Variants in ZCCHC7 observed in about 807,000 individuals in gnomAD.
ZCCHC7 encodes zinc finger CCHC-type containing 7.
In ZCCHC7, 35 loss-of-function variants were observed where a neutral mutation model predicts 52.0. That is an observed-to-expected ratio of 0.67 (90% confidence interval 0.51 to 0.89). The LOEUF (loss-of-function observed/expected upper bound fraction) is 0.89, where lower values mean the gene tolerates loss of function less well. Ranked by LOEUF, ZCCHC7 falls within the 40% of genes least tolerant of loss-of-function variation. The probability of loss-of-function intolerance (pLI) is 0.00; values close to 1 mark genes in which losing one functional copy is unlikely to be tolerated. For missense variants in ZCCHC7, 574 were observed against 649.1 expected (o/e 0.88, Z 1.26); for synonymous variants, 217 against 221.5 (o/e 0.98, Z 0.18).
At chr9:37,321,225 T>TG (rs1179953531) in intron 5 of ZCCHC7, among the ~76,000 whole-genome samples, 1 of 151,954 alleles carries the variant, frequency 6.6e-6, no homozygotes, top group African/African-American at 2.4e-5. Flanking sequence ...CCTGACCTCG[T>TG]GATCCACCCA....
At chr9:37,136,762 T>C (rs909389013) in intron 2 of ZCCHC7, among the ~76,000 whole-genome samples, 1 of 152,024 alleles carries the variant, frequency 6.6e-6, no homozygotes, top group Non-Finnish European at 1.5e-5. Flanking sequence ...CAGGTGTGAG[T>C]CACCGCCCTG....
chr9:37,159,024 C>A (rs918964965), intron 2 of ZCCHC7, among the ~76,000 whole-genome samples: 5 of 148,672 alleles, frequency 3.4e-5, no homozygotes, highest in Non-Finnish European at 7.6e-5. Flanking sequence ...GGTATTAAAT[C>A]ATTGGCTTGT....
intron 5 of ZCCHC7, among the ~76,000 whole-genome samples, chr9:37,306,690 C>A (rs190578282): frequency 6.6e-4 from 95 of 144,296 alleles, no homozygotes; most frequent in African/African-American, 1.9e-3. Flanking sequence ...GTCTCGATCT[C>A]CTGACCTCAT....
intron 2 of ZCCHC7, among the ~76,000 whole-genome samples, chr9:37,185,457 T>C (rs1403107373): frequency 1.3e-5 from 2 of 152,234 alleles, no homozygotes; most frequent in African/African-American, 4.8e-5. Flanking sequence ...AGGAATGTAT[T>C]AGTTTCTGAG....
At chr9:37,183,626 A>T (rs1004135806) in intron 2 of ZCCHC7, among the ~76,000 whole-genome samples, 9 of 152,202 alleles carry the variant, frequency 5.9e-5, no homozygotes, top group African/African-American at 2.2e-4. Context: ...ACTAACAGTT[A>T]ATTTGCTTCA....
At chr9:37,130,168 G>A (rs1440310212) in intron 2 of ZCCHC7, among the ~76,000 whole-genome samples, 1 of 151,050 alleles carries the variant, frequency 6.6e-6, no homozygotes, top group Non-Finnish European at 1.5e-5. Context: ...GACCCAGGAG[G>A]TGGAGGTTGC....
chr9:37,357,089 A>G lies in ZCCHC7; in HGVS notation c.1453A>G (p.Ser485Gly), dbSNP rs1821750643. ...RGPKTYSSPG[S>G]FKTQKPSKPF... is the part of the protein sequence containing the mutation. ...CCCCAAAACCTACTCTTCTCCTGGCAGTTTTAAAACCCAGAAGCCTTCTAA... is the reference window on the plus strand; with the variant it reads ...CCCCAAAACCTACTCTTCTCCTGGCGGTTTTAAAACCCAGAAGCCTTCTAA... Residue 485 changes from serine (S) to glycine (G), a missense_variant, in exon 9 of 9, where the codon AGT becomes GGT. Coordinates refer to ENST00000336755, the MANE Select transcript of ZCCHC7 (RefSeq NM_032226.3). The G allele has an allele frequency of 6.2e-7, 1 of 1,613,684 alleles. No homozygotes were observed. Among genetic ancestry groups the G allele is most frequent in the South Asian group, 1.1e-5 (1 of 91,070 alleles).
In ZCCHC7 at chr9:37,351,587, G is replaced by A. The variant is rs1564273695; in HGVS notation, c.1083+2135G>A. 2.6e-5 allele frequency among the ~76,000 whole-genome samples: 4 copies of A among 152,172 alleles called. No homozygotes were observed. The South Asian group carries it at 8.3e-4, about 32-fold the overall frequency. ...CTCCCGAAGTGTTGAGATTACAGAA[G>A]TGAGCTACCATGCCCAGCCAAGAAG... On this transcript the variant is annotated intron_variant, in intron 7 of 8. Coordinates refer to ENST00000336755, the MANE Select transcript of ZCCHC7 (RefSeq NM_032226.3).
chr9:37,322,320 T>C (rs1422415481), intron 5 of ZCCHC7: 1 of 152,126 alleles, frequency 6.6e-6, no homozygotes, highest in Non-Finnish European at 1.5e-5. Context: ...CAGATCGAAC[T>C]CCTTGTTCTA....
intron 2 of ZCCHC7, among the ~76,000 whole-genome samples, chr9:37,131,501 C>T (rs568450501): frequency 6.3e-4 from 96 of 152,004 alleles, no homozygotes; most frequent in Middle Eastern, 3.4e-3. Flanking sequence ...CAAAATTAGC[C>T]GGGCATTCTG....
intron 2 of ZCCHC7, among the ~76,000 whole-genome samples, chr9:37,130,669 T>C (rs1842744550): frequency 6.7e-6 from 1 of 149,658 alleles, no homozygotes. Context: ...ATTTTTTGTA[T>C]TTTTTTTTAG....
At chr9:37,272,545 G>T (rs1321772698) in intron 2 of ZCCHC7, among the ~76,000 whole-genome samples, 1 of 147,358 alleles carries the variant, frequency 6.8e-6, no homozygotes, top group Non-Finnish European at 1.5e-5. Context: ...TACTGCTGAC[G>T]CACATCCCTT....
chr9:37,333,631 T>C (rs1198829773), intron 6 of ZCCHC7, among the ~76,000 whole-genome samples: 1 of 151,736 alleles, frequency 6.6e-6, no homozygotes, highest in Admixed American at 6.6e-5. Flanking sequence ...CTTTTTTTTA[T>C]TACCCTTTCC....
chr9:37,309,774 T>C (rs1356904085), intron 5 of ZCCHC7, among the ~76,000 whole-genome samples: 2 of 152,102 alleles, frequency 1.3e-5, no homozygotes, highest in South Asian at 2.1e-4. Flanking sequence ...GTACAAAAGT[T>C]AGCTGAGTGT....
intron 2 of ZCCHC7, among the ~76,000 whole-genome samples, chr9:37,156,756 T>C (rs1010468947): frequency 6.6e-6 from 1 of 152,228 alleles, no homozygotes; most frequent in Non-Finnish European, 1.5e-5. Context: ...GACTTTGTCA[T>C]CTATTGTCTC....
At chr9:37,233,861 T>C (rs78146603) in intron 2 of ZCCHC7, among the ~76,000 whole-genome samples, 4,070 of 152,262 alleles carry the variant, frequency 0.027, 84 homozygotes, top group Middle Eastern at 0.044. Context: ...TGGTTGTTTT[T>C]GTTTTGTTTT....
chr9:37,168,330 A>G (rs1050003804), intron 2 of ZCCHC7, among the ~76,000 whole-genome samples: 1 of 152,062 alleles, frequency 6.6e-6, no homozygotes, highest in African/African-American at 2.4e-5. Context: ...CTGTTAATTT[A>G]TCTGAGTTGG....
chr9:37,202,971 A>G (rs1823714088), intron 2 of ZCCHC7, among the ~76,000 whole-genome samples: 1 of 152,258 alleles, frequency 6.6e-6, no homozygotes, highest in Admixed American at 6.5e-5. Flanking sequence ...TAAGTTATTG[A>G]CAACTATTTC....
At chr9:37,320,457 T>C (rs1420760726) in intron 5 of ZCCHC7, among the ~76,000 whole-genome samples, 1 of 152,214 alleles carries the variant, frequency 6.6e-6, no homozygotes, top group Admixed American at 6.5e-5. Flanking sequence ...AATCACCTTG[T>C]CTGTACTTAC....
Sources: allele counts gnomAD v4.1 joint callset (sites outside exome capture counted in the v4.1 genomes callset), GRCh38; gene constraint gnomAD v4.1.1; transcripts MANE v1.5; gene names NCBI Gene and HGNC (gene_info 2026-07-23, HGNC 2026-07-21).